Variants in PANK3 observed in about 807,000 individuals in gnomAD.
PANK3 encodes the protein hPanK3.
In PANK3, 20 loss-of-function variants were observed where a neutral mutation model predicts 39.4. The observed-to-expected ratio is 0.51, with a 90% CI of 0.36 to 0.74. The LOEUF (loss-of-function observed/expected upper bound fraction) is 0.74. Among genes scored for constraint, PANK3 ranks in the 30% least tolerant of loss-of-function variants. The probability of loss-of-function intolerance (pLI) is 0.00; values close to 1 mark genes in which losing one functional copy is unlikely to be tolerated. For synonymous variants in PANK3, 140 were observed against 157.3 expected, an observed-to-expected ratio of 0.89 and a Z score of 0.82; for missense variants, 265 against 437.0, an observed-to-expected ratio of 0.61 and a Z score of 3.51.
At chr5:168,575,865 A>G (rs1759723893) in intron 1 of PANK3, among the ~76,000 whole-genome samples, 1 of 152,218 alleles carries the variant, frequency 6.6e-6, no homozygotes, top group Non-Finnish European at 1.5e-5. Flanking sequence ...TTAGGCATAA[A>G]GGGAAACCAA....
At chr5:168,558,895 G>T (rs527603189) in intron 6 of PANK3, 137 bp downstream of exon 6, 3 of 692,248 alleles carry the variant, frequency 4.3e-6, no homozygotes, top group Non-Finnish European at 6.5e-6. Context: ...TGAGGTGGGA[G>T]GATTGATGAG....
rs1233995908 is a variant in PANK3 at position 168,550,586 on chromosome 5, C to T, written c.*6985G>A. ...TCTACCTGGCCATTACAGGCAATCA[C>T]ATATTAAGAGAGAATACCATTCTAC... On this transcript the variant is annotated 3_prime_UTR_variant, in exon 7 of 7. Coordinates refer to ENST00000239231, the MANE Select transcript of PANK3 (RefSeq NM_024594.4). 6.6e-6 allele frequency: 1 copy of T among 152,156 alleles called. No individual in the cohort carries two copies. The highest frequency in any genetic ancestry group is 1.5e-5 in the Non-Finnish European group (1 of 68,024). 9.4% of individuals were successfully genotyped at this position (152,156 alleles called of 1,614,324 possible).
intron 4 of PANK3, among the ~76,000 whole-genome samples, chr5:168,563,314 T>C (rs1193937985): frequency 6.6e-6 from 1 of 152,136 alleles, no homozygotes; most frequent in South Asian, 2.1e-4. Context: ...TTAACCCCAG[T>C]GTTGGTAGGA....
rs1044002426 is a variant in PANK3 at position 168,548,846 on chromosome 5, T to C, written c.*8725A>G. The C allele has an allele frequency of 6.6e-6, 1 of 152,216 alleles. No individual in the cohort carries two copies. The highest frequency in any genetic ancestry group is 1.9e-4 in the East Asian group (1 of 5,206). 9.4% of individuals were successfully genotyped at this position (152,216 alleles called of 1,614,324 possible). A position where few individuals can be genotyped will look rare whatever the true frequency, so the allele number is the denominator to read the frequency against. On this transcript the variant is annotated 3_prime_UTR_variant, in exon 7 of 7. Coordinates refer to ENST00000239231, the MANE Select transcript of PANK3 (RefSeq NM_024594.4). ...CTTAGTTTATTATGAATAAAATTTATGGCACATCATACATTTTTACATCAC... is the reference window on the plus strand; with the variant it reads ...CTTAGTTTATTATGAATAAAATTTACGGCACATCATACATTTTTACATCAC...
chr5:168,574,998 C>T (rs971423796), intron 1 of PANK3, among the ~76,000 whole-genome samples: 1 of 151,928 alleles, frequency 6.6e-6, no homozygotes, highest in Non-Finnish European at 1.5e-5. Context: ...GGCATATAAC[C>T]TTAACATTTT....
intron 4 of PANK3, 59 bp downstream of exon 4, chr5:168,563,830 C>A: frequency 6.9e-7 from 1 of 1,458,744 alleles, no homozygotes; most frequent in Admixed American, 2.3e-5. Flanking sequence ...TTTCCAAAAA[C>A]ATAAGCAACT....
intron 6 of PANK3, among the ~76,000 whole-genome samples, chr5:168,558,745 C>A (rs1423628051): frequency 3.9e-5 from 6 of 152,126 alleles, no homozygotes; most frequent in African/African-American, 1.4e-4. Flanking sequence ...TGGCTCACAC[C>A]TATAAAGGAT....
rs1327915519 is a variant in PANK3, at chr5:168,563,899, C to T, written c.802G>A (p.Val268Ile). ...YERFGLPGWA[V>I]ASSFGNMIYK... is the part of the protein sequence containing the mutation. ...AAATGTTAAACTTACCTAGATGCTA[C>T]AGCCCAACCTGGCAAACCAAATCTT... Residue 268 changes from valine to isoleucine, a missense_variant, in exon 4 of 7, where the codon GTA (valine) becomes ATA (isoleucine). Val to Ile is a conservative substitution (Grantham distance 29). This residue lies in a region of PANK3 where 110 missense variants were observed against 161.2 expected (regional missense o/e 0.68). Coordinates refer to ENST00000239231, the MANE Select transcript of PANK3 (RefSeq NM_024594.4). The T allele has an allele frequency of 5.0e-6, 8 of 1,606,288 alleles. No individual in the cohort carries two copies. The highest frequency in any genetic ancestry group is 2.2e-5 in the East Asian group (1 of 44,598).
At chr5:168,562,386 T>C (rs1759461124) in intron 4 of PANK3, among the ~76,000 whole-genome samples, 1 of 152,128 alleles carries the variant, frequency 6.6e-6, no homozygotes, top group Non-Finnish European at 1.5e-5. Flanking sequence ...AACTAAAGGT[T>C]AAAGGCACAC....
Position 168,577,853 on chromosome 5 carries a change from T to G in PANK3, c.28+1403A>C, listed in dbSNP as rs368142268. Reference sequence around the variant, plus strand: ...TTCTAAGAGAAGCAGAGAAAACGTATGCGTGAGGGAAAATGTCCAAGTGTT... The same window carrying G: ...TTCTAAGAGAAGCAGAGAAAACGTAGGCGTGAGGGAAAATGTCCAAGTGTT... On this transcript the variant is annotated intron_variant, in intron 1 of 6. Coordinates refer to ENST00000239231, the MANE Select transcript of PANK3 (RefSeq NM_024594.4). Among the ~76,000 whole-genome samples, 5 of 152,194 alleles carry G rather than the reference T, an allele frequency of 3.3e-5. 1 individual carries two copies. The East Asian group carries it at 5.8e-4, about 18-fold the overall frequency.
At chr5:168,571,606 T>C (rs1759631510) in intron 1 of PANK3, among the ~76,000 whole-genome samples, 1 of 152,220 alleles carries the variant, frequency 6.6e-6, no homozygotes, top group African/African-American at 2.4e-5. Context: ...ATTTAACAGT[T>C]TTTATGTAAA....
chr5:168,579,066 C>A (rs1312318597), intron 1 of PANK3, among the ~76,000 whole-genome samples, 190 bp downstream of exon 1: 4 of 152,190 alleles, frequency 2.6e-5, no homozygotes, highest in Non-Finnish European at 5.9e-5. Flanking sequence ...CAGGCATTCA[C>A]CATGCATGAA....
chr5:168,563,585 A>G (rs2113114443), intron 4 of PANK3, among the ~76,000 whole-genome samples: 1 of 152,136 alleles, frequency 6.6e-6, no homozygotes, highest in African/African-American at 2.4e-5. Flanking sequence ...TATATATAGT[A>G]TGCCATATAA....
chr5:168,575,790 G>GA (rs953828840), intron 1 of PANK3, among the ~76,000 whole-genome samples: 20 of 147,188 alleles, frequency 1.4e-4, no homozygotes, highest in Non-Finnish European at 9.0e-5. Flanking sequence ...CGTCTCAAAA[G>GA]AAAAAAAATA....
Position 168,549,937 on chromosome 5 carries a change from A to G in PANK3, c.*7634T>C, listed in dbSNP as rs1371682097. On this transcript the variant is annotated 3_prime_UTR_variant, in exon 7 of 7. Transcript: ENST00000239231. ...GCTATTTTTTGTATTTTTAGTAGAG[A>G]CATGGTTCTTCCCACATCTATCCCC... The G allele has an allele frequency of 6.6e-6, 1 of 152,138 alleles. No individual in the cohort carries two copies. The allele number at this position is 152,138 out of a possible 1,614,324, so 9.4% of individuals were successfully genotyped here.
intron 3 of PANK3, among the ~76,000 whole-genome samples, chr5:168,564,376 G>C (rs1309808265): frequency 6.6e-6 from 1 of 152,160 alleles, no homozygotes; most frequent in Non-Finnish European, 1.5e-5. Flanking sequence ...ATTGTTGTGT[G>C]TGCATTAAAA....
At chr5:168,572,421 C>T (rs1759654545) in intron 1 of PANK3, among the ~76,000 whole-genome samples, 1 of 152,126 alleles carries the variant, frequency 6.6e-6, no homozygotes, top group South Asian at 2.1e-4. Context: ...AGAGAGTCAG[C>T]AAAGGGTGGT....
chr5:168,573,416 C>CAAAA lies in PANK3; in HGVS notation c.29-4422_29-4419dup, dbSNP rs574960925. Reference sequence around the variant, plus strand: ...CACGAGATGCAGAACCTCAGCAAGGCAAAAAAAAAAAAAAAAAAAAAAAAA... The same window carrying CAAAA: ...CACGAGATGCAGAACCTCAGCAAGGCAAAAAAAAAAAAAAAAAAAAAAAAAAAAA... On this transcript the variant is annotated intron_variant, in intron 1 of 6. Transcript: ENST00000239231. Among the ~76,000 whole-genome samples the CAAAA allele has an allele frequency of 2.1e-3, 35 of 16,952 alleles. 1 individual carries two copies. The highest frequency in any genetic ancestry group is 2.4e-3 in the Non-Finnish European group (24 of 9,998). The allele number at this position is 16,952 out of a possible 152,430, so 11.1% of individuals were successfully genotyped here.
rs757595102 is a variant in PANK3 at position 168,556,314 on chromosome 5, G to A, written c.*1257C>T. Reference sequence around the variant, plus strand: ...TTCAGAGAGTTAGAGGAGGTGGAGAGATTTACTCCTGCCATGGATCATATG... The same window carrying A: ...TTCAGAGAGTTAGAGGAGGTGGAGAAATTTACTCCTGCCATGGATCATATG... On this transcript the variant is annotated 3_prime_UTR_variant, in exon 7 of 7. Transcript: ENST00000239231. The A allele has an allele frequency of 1.7e-4, 26 of 152,178 alleles. No individual in the cohort carries two copies. Among genetic ancestry groups the A allele is most frequent in the Non-Finnish European group, 3.1e-4 (21 of 68,030 alleles). 9.4% of individuals were successfully genotyped at this position (152,178 alleles called of 1,614,324 possible).
Sources: allele counts gnomAD v4.1 joint callset (sites outside exome capture counted in the v4.1 genomes callset), GRCh38; gene constraint gnomAD v4.1.1; regional missense constraint gnomAD v4.1.1; transcripts MANE v1.5; gene names NCBI Gene and HGNC (gene_info 2026-07-23, HGNC 2026-07-21).